Variants in METAP1 observed in about 807,000 individuals in gnomAD.
METAP1 encodes methionyl aminopeptidase 1.
A neutral mutation model predicts 53.8 loss-of-function variants in METAP1; 28 were observed. The ratio of observed to expected loss-of-function variants is 0.52; its 90% CI spans 0.39 to 0.71. The LOEUF is 0.71. METAP1 is among the 30% of genes least tolerant of loss of function. The pLI, the probability that METAP1 is intolerant of heterozygous loss-of-function variation, is 0.00. For missense variants in METAP1, 389 were observed against 479.8 expected, an observed-to-expected ratio of 0.81 and a Z score of 1.77; for synonymous variants, 181 against 165.7, an observed-to-expected ratio of 1.09 and a Z score of -0.71.
intron 1 of METAP1, among the ~76,000 whole-genome samples, chr4:98,996,647 TTTAAG>T (rs1415258708): frequency 6.6e-6 from 1 of 152,156 alleles, no homozygotes; most frequent in Non-Finnish European, 1.5e-5. Flanking sequence ...TGTAGTGTAT[TTTAAG>T]TTTTGTGCAG....
At chr4:99,054,754 T>C (rs1326946567) in intron 9 of METAP1, among the ~76,000 whole-genome samples, 1 of 152,148 alleles carries the variant, frequency 6.6e-6, no homozygotes, top group Non-Finnish European at 1.5e-5. Flanking sequence ...GGCTATTAAG[T>C]GGCCTAATTT....
intron 1 of METAP1, among the ~76,000 whole-genome samples, chr4:99,004,668 A>G (rs968085332): frequency 4.6e-5 from 7 of 152,192 alleles, no homozygotes; most frequent in African/African-American, 1.7e-4. Flanking sequence ...GAGGTATTCC[A>G]TATCCTGAAT....
At chr4:99,000,470 T>C (rs1252152228) in intron 1 of METAP1, among the ~76,000 whole-genome samples, 2 of 152,090 alleles carry the variant, frequency 1.3e-5, no homozygotes, top group Non-Finnish European at 2.9e-5. Context: ...GTAGAGCATA[T>C]AGTAAATTTG....
intron 1 of METAP1, chr4:99,005,761 T>A (rs757852113): frequency 2.3e-5 from 10 of 432,072 alleles, no homozygotes; most frequent in South Asian, 1.7e-4. Context: ...AAATAATATC[T>A]TTTGCAGCAA....
chr4:99,058,777 G>A (rs1471354159), intron 10 of METAP1, among the ~76,000 whole-genome samples: 2 of 152,230 alleles, frequency 1.3e-5, no homozygotes, highest in African/African-American at 4.8e-5. Flanking sequence ...CATGCCAGGA[G>A]GCTGGGGATC....
intron 9 of METAP1, among the ~76,000 whole-genome samples, chr4:99,050,043 T>C (rs990772714): frequency 5.9e-5 from 9 of 152,180 alleles, no homozygotes; most frequent in Non-Finnish European, 2.9e-5. Context: ...CTGTCTTGCT[T>C]TCTGGAGTCA....
intron 1 of METAP1, among the ~76,000 whole-genome samples, chr4:98,996,926 A>G (rs886799028): frequency 6.6e-6 from 1 of 152,330 alleles, no homozygotes; most frequent in Admixed American, 6.5e-5. Flanking sequence ...TTATTGTGCG[A>G]TCTTGAATTA....
Position 99,061,075 on chromosome 4 carries a change from AT to A in METAP1, c.998-73del. 3.4e-6 allele frequency: 5 copies of A among 1,475,312 alleles called. No homozygotes were observed. In the African/African-American group the frequency reaches 4.2e-5, roughly 12 times the overall value. 91.4% of individuals were successfully genotyped at this position (1,475,312 alleles called of 1,614,324 possible). On this transcript the variant is annotated intron_variant, in intron 10 of 10. Transcript: ENST00000296411. ...ATGTAAATAAGGATCTTAGTAGTGA[AT>A]TTTTTCCTTGGCTTTCTTCTTGATA...
rs28591457 is a variant in METAP1 at position 99,026,117 on chromosome 4, G to A, written c.115-2750G>A. The A allele has an allele frequency of 4.9e-3, 2,527 of 516,552 alleles. 53 individuals are homozygous for A. The highest frequency in any genetic ancestry group is 0.048 in the African/African-American group (2,299 of 48,056). The allele number at this position is 516,552 out of a possible 1,614,324, so 32.0% of individuals were successfully genotyped here. ...TGGGCACATGTTGTCAGTACTCCCT[G>A]AGGCTGTCACTGGTGCATCCTTAAC... On this transcript the variant is annotated intron_variant, in intron 1 of 10. Transcript: ENST00000296411.
chr4:99,021,453 A>G (rs1316689985), intron 1 of METAP1, among the ~76,000 whole-genome samples: 1 of 152,142 alleles, frequency 6.6e-6, no homozygotes, highest in Non-Finnish European at 1.5e-5. Flanking sequence ...GTGCCTCCCC[A>G]CAAGAGAGGG....
chr4:98,998,446 C>T (rs1339190900), intron 1 of METAP1, among the ~76,000 whole-genome samples: 1 of 152,200 alleles, frequency 6.6e-6, no homozygotes, highest in South Asian at 2.1e-4. Context: ...TCACTTGAAC[C>T]TGGGTGGTGG....
At chr4:99,058,274 T>C (rs1246647442) in intron 10 of METAP1, among the ~76,000 whole-genome samples, 1 of 152,212 alleles carries the variant, frequency 6.6e-6, no homozygotes, top group African/African-American at 2.4e-5. Context: ...AAACTGGTCC[T>C]TGAAGAGGGT....
At chr4:98,996,088 G>T (rs1315063425) in intron 1 of METAP1, among the ~76,000 whole-genome samples, 1 of 152,092 alleles carries the variant, frequency 6.6e-6, no homozygotes, top group African/African-American at 2.4e-5. Flanking sequence ...GGGCGGGGGC[G>T]CCACCCGCCG....
chr4:99,031,615 T>G, intron 2 of METAP1: 1 of 1,267,662 alleles, frequency 7.9e-7, no homozygotes, highest in South Asian at 1.2e-5. Context: ...TGTGTGAGGA[T>G]TAAATAAAGA....
intron 1 of METAP1, chr4:99,022,936 A>C: frequency 6.7e-7 from 1 of 1,499,312 alleles, no homozygotes; most frequent in South Asian, 1.2e-5. Context: ...ATAGGCACTG[A>C]GAAGGTTGCG....
chr4:99,049,402 C>T (rs62325201), intron 9 of METAP1, among the ~76,000 whole-genome samples: 3,339 of 152,256 alleles, frequency 0.022, 47 homozygotes, highest in Non-Finnish European at 0.035. Flanking sequence ...CTAGCCATTA[C>T]TCTTCTGATT....
At chr4:99,060,512 C>T (rs1475375447) in intron 10 of METAP1, among the ~76,000 whole-genome samples, 1 of 151,948 alleles carries the variant, frequency 6.6e-6, no homozygotes, top group Non-Finnish European at 1.5e-5. Flanking sequence ...TACAGGCGCC[C>T]AACACCATGC....
At chr4:99,028,733 A>T in intron 1 of METAP1, 134 bp from the exon 2 acceptor site, 1 of 534,632 alleles carries the variant, frequency 1.9e-6, no homozygotes, top group Non-Finnish European at 3.2e-6. Flanking sequence ...CTTTTCCCAA[A>T]TATTTAATTC....
At position 99,062,206 on chromosome 4, in the gene METAP1, T is replaced by G. The variant is rs1727587632; in HGVS notation, c.*889T>G. 1 of 152,232 alleles carries G rather than the reference T, an allele frequency of 6.6e-6. No individual in the cohort carries two copies. The highest frequency in any genetic ancestry group is 2.1e-4 in the South Asian group (1 of 4,838). 9.4% of individuals were successfully genotyped at this position (152,232 alleles called of 1,614,324 possible). A position where few individuals can be genotyped will look rare whatever the true frequency, so the allele number is the denominator to read the frequency against. ...GAGGTGCTCAGAGAAGCGTGAAGTT[T>G]GCACTATGGTGGAGGATGGGGAAAG... On this transcript the variant is annotated 3_prime_UTR_variant, in exon 11 of 11. Coordinates refer to ENST00000296411, the MANE Select transcript of METAP1 (RefSeq NM_015143.3).
Sources: allele counts gnomAD v4.1 joint callset (sites outside exome capture counted in the v4.1 genomes callset), GRCh38; gene constraint gnomAD v4.1.1; transcripts MANE v1.5; gene names NCBI Gene and HGNC (gene_info 2026-07-23, HGNC 2026-07-21).